The following RASGRF2 variants were observed in gnomAD, a reference collection of about 807,000 sequenced individuals.
The protein encoded by RASGRF2 is Ras protein specific guanine nucleotide releasing factor 2, also known as ras-specific guanine nucleotide-releasing factor 2.
A neutral mutation model predicts 151.0 loss-of-function variants in RASGRF2; 76 were observed. The ratio of observed to expected loss-of-function variants is 0.50; its 90% CI spans 0.42 to 0.61. RASGRF2 has a LOEUF of 0.61. Ranked by LOEUF, RASGRF2 falls within the 20% of genes least tolerant of loss-of-function variation. RASGRF2 has a pLI of 0.00. For synonymous variants in RASGRF2, 504 were observed against 566.5 expected, an observed-to-expected ratio of 0.89 and a Z score of 1.57; for missense variants, 1,148 against 1,564.6, an observed-to-expected ratio of 0.73 and a Z score of 4.49.
At chr5:81,134,345 A>T (rs1270142154) in intron 17 of RASGRF2, among the ~76,000 whole-genome samples, 1 of 140,860 alleles carries the variant, frequency 7.1e-6, no homozygotes, top group African/African-American at 2.6e-5. Flanking sequence ...AGGTGTAGAT[A>T]TGGTAGGTGG....
At chr5:80,990,930 A>C (rs78741128) in intron 1 of RASGRF2, among the ~76,000 whole-genome samples, 3 of 152,220 alleles carry the variant, frequency 2.0e-5, no homozygotes, top group Non-Finnish European at 4.4e-5. Context: ...TTTGTAGGTC[A>C]TAGGAGTTTG....
chr5:81,168,006 G>T (rs769974210), intron 17 of RASGRF2, among the ~76,000 whole-genome samples: 1 of 152,050 alleles, frequency 6.6e-6, no homozygotes, highest in Non-Finnish European at 1.5e-5. Context: ...CCCCTTGCAG[G>T]CTTGGCTGAT....
chr5:80,976,005 C>T (rs771536483), intron 1 of RASGRF2, among the ~76,000 whole-genome samples: 4 of 151,996 alleles, frequency 2.6e-5, no homozygotes, highest in Admixed American at 2.0e-4. Flanking sequence ...CCACCACACC[C>T]GACTAATTTT....
intron 1 of RASGRF2, among the ~76,000 whole-genome samples, chr5:81,040,965 A>G (rs1273224249): frequency 1.3e-5 from 2 of 152,190 alleles, no homozygotes; most frequent in African/African-American, 4.8e-5. Flanking sequence ...TTTATAGGCT[A>G]GAGCATATCT....
intron 1 of RASGRF2, among the ~76,000 whole-genome samples, chr5:80,995,117 G>A (rs942461015): frequency 2.6e-5 from 4 of 151,900 alleles, no homozygotes; most frequent in Admixed American, 6.6e-5. Context: ...TCACCCAGGC[G>A]CAGTGGCGGG....
intron 2 of RASGRF2, among the ~76,000 whole-genome samples, chr5:81,052,678 C>G (rs1751050525): frequency 6.6e-6 from 1 of 152,132 alleles, no homozygotes; most frequent in Non-Finnish European, 1.5e-5. Context: ...CAGGAGAGAA[C>G]TTGAGAACCA....
chr5:81,089,583 G>T (rs1752334076), intron 9 of RASGRF2, among the ~76,000 whole-genome samples: 1 of 152,130 alleles, frequency 6.6e-6, no homozygotes. Flanking sequence ...TTATAGAAAT[G>T]GTCTGATATT....
At chr5:81,038,072 T>G (rs1231766163) in intron 1 of RASGRF2, among the ~76,000 whole-genome samples, 2 of 152,244 alleles carry the variant, frequency 1.3e-5, no homozygotes, top group Non-Finnish European at 2.9e-5. Flanking sequence ...TTTAATTGCT[T>G]TATGATATAT....
Position 81,127,112 on chromosome 5 carries a change from G to A in RASGRF2, c.2635G>A (p.Ala879Thr), listed in dbSNP as rs1472413941. 2 of 1,614,050 alleles carry A rather than the reference G, an allele frequency of 1.2e-6. No homozygotes were observed. The highest frequency in any genetic ancestry group is 4.5e-5 in the East Asian group (2 of 44,886). The part of the protein sequence containing the change: ...ADNAHCSVSP[A>T]SAFAIATAAA... The stretch of plus-strand genomic sequence containing the variant: ...CAATGCCCACTGCTCTGTTTCACCG[G>A]CTTCTGCTTTTGCAATAGCCACAGC... Residue 879 changes from alanine (A) to threonine (T), a missense_variant, in exon 17 of 27, where the codon GCT becomes ACT. Around this residue, in one of 5 missense-constraint regions of RASGRF2, gnomAD observed 646 missense variants for 807.4 expected, o/e 0.80. Transcript: ENST00000265080.
chr5:81,034,936 T>A (rs1003968452), intron 1 of RASGRF2, among the ~76,000 whole-genome samples: 2 of 151,654 alleles, frequency 1.3e-5, no homozygotes, highest in East Asian at 3.9e-4. Context: ...ACCCTAAAAC[T>A]TAAAGTATAA....
At chr5:80,985,598 C>G (rs1580168683) in intron 1 of RASGRF2, among the ~76,000 whole-genome samples, 1 of 152,282 alleles carries the variant, frequency 6.6e-6, no homozygotes, top group Middle Eastern at 3.4e-3. Context: ...AATGTGTACT[C>G]TCTAAAAAAT....
intron 1 of RASGRF2, among the ~76,000 whole-genome samples, chr5:81,026,321 T>C (rs1285909736): frequency 5.3e-5 from 8 of 151,952 alleles, no homozygotes; most frequent in Admixed American, 5.3e-4. Context: ...TTTCTTTCTA[T>C]CTTCTCTACT....
At chr5:80,981,228 G>T (rs1023972666) in intron 1 of RASGRF2, among the ~76,000 whole-genome samples, 9 of 152,042 alleles carry the variant, frequency 5.9e-5, no homozygotes, top group Non-Finnish European at 1.2e-4. Flanking sequence ...CCACAGCACG[G>T]GTTCCAAGTT....
chr5:81,113,971 G>A, intron 15 of RASGRF2, 51 bp downstream of exon 15: 3 of 1,554,924 alleles, frequency 1.9e-6, no homozygotes, highest in East Asian at 2.3e-5. Flanking sequence ...CTGGCCGCCT[G>A]CCTCCTCACC....
chr5:81,225,811 AAGCAGGAC>A lies in RASGRF2; in HGVS notation c.*44_*51del, dbSNP rs745935241. 4 of 1,597,868 alleles carry A rather than the reference AAGCAGGAC, an allele frequency of 2.5e-6. No individual in the cohort carries two copies. The South Asian group carries it at 4.5e-5, about 18-fold the overall frequency. On this transcript the variant is annotated 3_prime_UTR_variant, in exon 27 of 27. Coordinates refer to ENST00000265080, the MANE Select transcript of RASGRF2 (RefSeq NM_006909.3). ...CCTGAGTCCACGGGATGTTCATGGA[AAGCAGGAC>A]AGACAGAATTGTGTATGCCTTGCCT...
intron 9 of RASGRF2, among the ~76,000 whole-genome samples, chr5:81,089,987 A>C (rs997878882): frequency 6.6e-6 from 1 of 152,250 alleles, no homozygotes; most frequent in African/African-American, 2.4e-5. Flanking sequence ...TACAAAATCT[A>C]TTATGCATTG....
intron 1 of RASGRF2, among the ~76,000 whole-genome samples, chr5:80,986,348 C>G (rs1180405632): frequency 6.6e-6 from 1 of 152,186 alleles, no homozygotes; most frequent in African/African-American, 2.4e-5. Flanking sequence ...ACCCACTGCC[C>G]CATACACAGC....
intron 18 of RASGRF2, among the ~76,000 whole-genome samples, chr5:81,198,826 AG>A (rs1755327191): frequency 6.6e-6 from 1 of 152,192 alleles, no homozygotes; most frequent in Non-Finnish European, 1.5e-5. Flanking sequence ...ATGGGCACCT[AG>A]GTTGATTCTG....
intron 12 of RASGRF2, among the ~76,000 whole-genome samples, chr5:81,101,478 A>AT (rs10716707): frequency 0.015 from 2,246 of 147,994 alleles, 25 homozygotes; most frequent in Middle Eastern, 0.028. Context: ...TCCAGGAGCC[A>AT]TTTTTTTTTT....
Sources: allele counts gnomAD v4.1 joint callset (sites outside exome capture counted in the v4.1 genomes callset), GRCh38; gene constraint gnomAD v4.1.1; regional missense constraint gnomAD v4.1.1; transcripts MANE v1.5; gene names NCBI Gene and HGNC (gene_info 2026-07-23, HGNC 2026-07-21).